The following ADCY6 variants were observed in gnomAD, a reference collection of about 807,000 sequenced individuals.
The protein encoded by ADCY6 is adenylate cyclase 6.
Under a neutral mutation model 111.6 loss-of-function variants are expected in ADCY6, and 59 were observed. That is an observed-to-expected ratio of 0.53 (90% CI 0.43 to 0.66). The LOEUF (loss-of-function observed/expected upper bound fraction) is 0.66. Among genes scored for constraint, ADCY6 ranks in the 30% least tolerant of loss-of-function variants. The probability of loss-of-function intolerance (pLI) is 0.00; values close to 1 mark genes in which losing one functional copy is unlikely to be tolerated. For synonymous variants in ADCY6, 576 were observed against 642.9 expected, an observed-to-expected ratio of 0.90 and a Z score of 1.57; for missense variants, 1,242 against 1,595.6, an observed-to-expected ratio of 0.78 and a Z score of 3.78.
rs1458736936 is a variant in ADCY6, at chr12:48,774,306, G to A, written c.2283+96C>T. The A allele has an allele frequency of 7.6e-6, 10 of 1,310,186 alleles. No homozygotes were observed. In the Admixed American group the frequency reaches 1.3e-4, roughly 16 times the overall value. 81.2% of individuals were successfully genotyped at this position (1,310,186 alleles called of 1,614,324 possible). A position where few individuals can be genotyped will look rare whatever the true frequency, so the allele number is the denominator to read the frequency against. On this transcript the variant is annotated intron_variant, in intron 14 of 21. Coordinates refer to ENST00000357869, the MANE Select transcript of ADCY6 (RefSeq NM_015270.5). The stretch of plus-strand genomic sequence containing the variant: ...CCTATTCTGGGAGGGGGCTCCCTGA[G>A]GGCAGAAAATATGTCCTTTTCTCCG...
At chr12:48,789,623 C>A (rs948640170), upstream of ADCY6, 5 of 151,778 alleles carry the variant, frequency 3.3e-5, no homozygotes, top group African/African-American at 9.7e-5. Flanking sequence ...CTGCCTGTCA[C>A]GGCCCTGCGC....
In ADCY6 at chr12:48,777,380, A is replaced by G; in HGVS notation, c.1248+30T>C. On this transcript the variant is annotated intron_variant, in intron 5 of 21. Transcript: ENST00000357869. This position sits in a 1 kb window ranked among gnomAD's most constrained non-coding sequence, Gnocchi z 4.9. ...TATGCTCTCACCACGGTCAACACCC[A>G]GGCCCAATCCCAAGGCCCAGCACCC... The G allele has an allele frequency of 6.2e-7, 1 of 1,611,474 alleles. No individual in the cohort carries two copies. The highest frequency in any genetic ancestry group is 1.1e-5 in the South Asian group (1 of 90,960).
At chr12:48,772,819 A>C (rs1941585834) in intron 16 of ADCY6, among the ~76,000 whole-genome samples, 1 of 152,218 alleles carries the variant, frequency 6.6e-6, no homozygotes, top group African/African-American at 2.4e-5. Context: ...TCAGATCTAA[A>C]TAATGTATGT....
In ADCY6 at chr12:48,768,317, T is replaced by TC. The variant is rs1941429577; in HGVS notation, c.*273dup. 1 of 516,242 alleles carries TC rather than the reference T, an allele frequency of 1.9e-6. No individual in the cohort carries two copies. Among genetic ancestry groups the TC allele is most frequent in the Non-Finnish European group, 3.5e-6 (1 of 285,422 alleles). The allele number at this position is 516,242 out of a possible 1,614,324, so 32.0% of individuals were successfully genotyped here. On this transcript the variant is annotated 3_prime_UTR_variant, in exon 22 of 22. Coordinates refer to ENST00000357869, the MANE Select transcript of ADCY6 (RefSeq NM_015270.5). ...TCCCTCTGCTTCTGCTACTGACCCC[T>TC]CCCCTGCTCCCAAAGGCTGGAAGAT... is the stretch of plus-strand genomic sequence containing the variant.
chr12:48,787,824 T>C (rs1942007685), intron 1 of ADCY6, among the ~76,000 whole-genome samples: 2 of 152,140 alleles, frequency 1.3e-5, no homozygotes. Flanking sequence ...CCAGGCTCAG[T>C]GCCTCCCAGA....
Position 48,774,454 on chromosome 12 carries a change from G to C in ADCY6, c.2231C>G (p.Ala744Gly). 2.5e-6 allele frequency: 4 copies of C among 1,614,026 alleles called. No individual in the cohort carries two copies. Among genetic ancestry groups the C allele is most frequent in the Non-Finnish European group, 3.4e-6 (4 of 1,180,000 alleles). The change falls in exon 14 of 22, where the codon GCA becomes GGA. Residue 744 changes from alanine (A) to glycine (G), a missense_variant. This residue lies in a region of ADCY6 where 375 missense variants were observed against 432.5 expected (regional missense o/e 0.87). Transcript: ENST00000357869. Reference sequence around the variant, plus strand: ...AAGCAGGACGGAAAAGATGCCAACTGCGGTGCTATGTGCCCGTGAGCGGAC... The same window carrying C: ...AAGCAGGACGGAAAAGATGCCAACTCCGGTGCTATGTGCCCGTGAGCGGAC... The part of the protein sequence containing the change: ...SIVRSRAHST[A>G]VGIFSVLLVF...
intron 9 of ADCY6, 48 bp downstream of exon 9, chr12:48,775,915 G>C: frequency 1.9e-6 from 3 of 1,566,752 alleles, no homozygotes; most frequent in Non-Finnish European, 2.6e-6. Flanking sequence ...AGGGTATTGA[G>C]GGAGCTAAGA....
chr12:48,774,154 A>T (rs1214708884), intron 14 of ADCY6, 56 bp from the exon 15 acceptor site: 2 of 1,524,448 alleles, frequency 1.3e-6, no homozygotes, highest in Admixed American at 3.8e-5. Context: ...GTTGCAAGGT[A>T]CCTGGTGAAG....
rs147469347 is a variant in ADCY6, at chr12:48,777,169, C to T, written c.1311G>A (p.Pro437=). 7 of 1,613,864 alleles carry T rather than the reference C, an allele frequency of 4.3e-6. No homozygotes were observed. The African/African-American group carries it at 5.3e-5, about 12-fold the overall frequency. The change falls in exon 6 of 22, where the codon CCG becomes CCA. Residue 437 remains proline, a synonymous_variant. Coordinates refer to ENST00000357869, the MANE Select transcript of ADCY6 (RefSeq NM_015270.5). This position sits in a 1 kb window ranked among gnomAD's most constrained non-coding sequence, Gnocchi z 4.9. ...GDCYYCVSGL[P]EARADHAHCC... is the part of the protein sequence containing the mutation. The stretch of plus-strand genomic sequence containing the variant: ...AGTGGGCATGGTCGGCCCGGGCCTC[C>T]GGCAGCCCTGACACACAGTAGTAAC...
At chr12:48,770,587 T>G (rs918641902) in intron 20 of ADCY6, among the ~76,000 whole-genome samples, 179 bp downstream of exon 20, 8 of 152,164 alleles carry the variant, frequency 5.3e-5, no homozygotes, top group African/African-American at 1.9e-4. Flanking sequence ...GCTCAAAAAT[T>G]TATAGGACAG....
At chr12:48,770,734 G>A (rs1941514024) in intron 20 of ADCY6, 32 bp downstream of exon 20, 1 of 1,604,846 alleles carries the variant, frequency 6.2e-7, no homozygotes. Context: ...AAAAGTCCTG[G>A]GAAAACCCGC....
At chr12:48,786,447 A>T (rs1453154109) in intron 1 of ADCY6, among the ~76,000 whole-genome samples, 1 of 152,008 alleles carries the variant, frequency 6.6e-6, no homozygotes, top group African/African-American at 2.4e-5. Context: ...GCTCACTGCA[A>T]CCTCTGCCTC....
intron 2 of ADCY6, among the ~76,000 whole-genome samples, chr12:48,780,001 C>T (rs1592162598): frequency 1.3e-5 from 2 of 152,190 alleles, no homozygotes; most frequent in Non-Finnish European, 2.9e-5. Flanking sequence ...TGAGCTCCCC[C>T]TCCCAGCAGC....
In ADCY6 at chr12:48,778,686, C is replaced by T. The variant is rs543188319; in HGVS notation, c.865-429G>A. 3.3e-5 allele frequency among the ~76,000 whole-genome samples: 5 copies of T among 152,310 alleles called. No individual in the cohort carries two copies. The South Asian group carries it at 1.0e-3, about 32-fold the overall frequency. The stretch of plus-strand genomic sequence containing the variant: ...TGAGTGACCCAGGACAAGTCACCTC[C>T]TCTCTCTTGGGTTTGCTCATCTATA... On this transcript the variant is annotated intron_variant, in intron 2 of 21. Transcript: ENST00000357869.
Position 48,779,083 on chromosome 12 carries a change from T to C in ADCY6, c.865-826A>G, listed in dbSNP as rs567318052. Among the ~76,000 whole-genome samples, 3 of 152,012 alleles carry C rather than the reference T, an allele frequency of 2.0e-5. No homozygotes were observed. The East Asian group carries it at 5.8e-4, about 30-fold the overall frequency. ...TTTTAGTAGAGACGGGGTTTCACCA[T>C]GTTGGTCAGGCTGGTCTTGAACTCC... On this transcript the variant is annotated intron_variant, in intron 2 of 21. Coordinates refer to ENST00000357869, the MANE Select transcript of ADCY6 (RefSeq NM_015270.5).
rs940571303 is a variant in ADCY6 at position 48,776,990 on chromosome 12, C to G, written c.1376+114G>C. 2 of 1,426,662 alleles carry G rather than the reference C, an allele frequency of 1.4e-6. No individual in the cohort carries two copies. Among genetic ancestry groups the G allele is most frequent in the African/African-American group, 2.9e-5 (2 of 69,938 alleles). The allele number at this position is 1,426,662 out of a possible 1,614,324, so 88.4% of individuals were successfully genotyped here. The stretch of plus-strand genomic sequence containing the variant: ...ATTCCCCTTCCCAGTGACAGACAGA[C>G]CTCAAAGACAGAGAAAGCCAAAACT... On this transcript the variant is annotated intron_variant, in intron 6 of 21. Coordinates refer to ENST00000357869, the MANE Select transcript of ADCY6 (RefSeq NM_015270.5). The surrounding 1 kb of genome is among the most constrained non-coding windows in gnomAD (Gnocchi z 6.1).
chr12:48,782,425 G>C lies in ADCY6; in HGVS notation c.864+146C>G. On this transcript the variant is annotated intron_variant, in intron 2 of 21. Transcript: ENST00000357869. The surrounding 1 kb of genome is among the most constrained non-coding windows in gnomAD (Gnocchi z 4.3). ...CCTCAACCCTAGCCTCCCACCTCCT[G>C]CTCCTCCTCCCAGATACAGCCAGAC... The C allele has an allele frequency of 7.1e-7, 1 of 1,412,152 alleles. No homozygotes were observed. Among genetic ancestry groups the C allele is most frequent in the Non-Finnish European group, 9.3e-7 (1 of 1,071,454 alleles). The allele number at this position is 1,412,152 out of a possible 1,614,324, so 87.5% of individuals were successfully genotyped here. A position where few individuals can be genotyped will look rare whatever the true frequency, so the allele number is the denominator to read the frequency against.
At position 48,783,225 on chromosome 12, in the gene ADCY6, G is replaced by A; in HGVS notation, c.210C>T (p.Phe70=). ...PPRCPWQDDA[F]IRRGGPGKGK... ...CCTTGCCTGGGCCGCCCCTCCGGAT[G>A]AAGGCGTCATCCTGCCAGGGGCACC... Residue 70 remains phenylalanine (F), a synonymous_variant, in exon 2 of 22, where the codon TTC becomes TTT. Transcript: ENST00000357869. 1 of 1,608,588 alleles carries A rather than the reference G, an allele frequency of 6.2e-7. No individual in the cohort carries two copies. Among genetic ancestry groups the A allele is most frequent in the Non-Finnish European group, 8.5e-7 (1 of 1,179,602 alleles).
intron 1 of ADCY6, among the ~76,000 whole-genome samples, chr12:48,788,257 T>C (rs529851978): frequency 1.3e-5 from 2 of 152,208 alleles, no homozygotes; most frequent in South Asian, 4.2e-4. Flanking sequence ...CACCCTTTAC[T>C]ATGCAACCCC....
Sources: allele counts gnomAD v4.1 joint callset (sites outside exome capture counted in the v4.1 genomes callset), GRCh38; gene constraint gnomAD v4.1.1; regional missense constraint gnomAD v4.1.1; non-coding constraint Gnocchi (gnomAD v3.1); transcripts MANE v1.5; gene names NCBI Gene and HGNC (gene_info 2026-07-23, HGNC 2026-07-21).